CSMD2: variants seen among roughly 807,000 people sequenced by gnomAD.
CSMD2 encodes CUB and sushi domain-containing protein 2.
In CSMD2, 130 loss-of-function variants were observed where a neutral mutation model predicts 398.5. That is an observed-to-expected ratio of 0.33 (90% CI 0.28 to 0.38). The LOEUF is 0.38. Ranked by LOEUF, CSMD2 falls within the 10% of genes least tolerant of loss-of-function variation. The pLI, the probability that CSMD2 is intolerant of heterozygous loss-of-function variation, is 1.00. For missense variants in CSMD2, 3,829 were observed against 4,764.9 expected, an observed-to-expected ratio of 0.80 and a Z score of 5.78; for synonymous variants, 1,828 against 1,908.5, an observed-to-expected ratio of 0.96 and a Z score of 1.10.
chr1:33,870,520 T>G (rs1270169011), intron 5 of CSMD2: 2 of 152,230 alleles, frequency 1.3e-5, no homozygotes, highest in Non-Finnish European at 2.9e-5. Flanking sequence ...CAGCTCTCCC[T>G]ACCCAGTGCT....
intron 2 of CSMD2, among the ~76,000 whole-genome samples, chr1:34,060,107 A>C (rs772500742): frequency 2.0e-5 from 3 of 152,158 alleles, no homozygotes; most frequent in African/African-American, 4.8e-5. Context: ...GAGGGCCAGG[A>C]ATGGGAAAGG....
At chr1:33,637,611 AT>A (rs1206178146) in intron 29 of CSMD2, among the ~76,000 whole-genome samples, 1 of 152,144 alleles carries the variant, frequency 6.6e-6, no homozygotes, top group Admixed American at 6.5e-5. Flanking sequence ...AAGATAACTG[AT>A]GGTCAAGAGG....
At chr1:34,111,341 A>T (rs1349376126) in intron 1 of CSMD2, among the ~76,000 whole-genome samples, 1 of 152,240 alleles carries the variant, frequency 6.6e-6, no homozygotes, top group Non-Finnish European at 1.5e-5. Context: ...CTGGGAAGGA[A>T]GGATCCTGAA....
intron 26 of CSMD2, among the ~76,000 whole-genome samples, chr1:33,661,652 T>C (rs1644137414): frequency 6.6e-6 from 1 of 152,230 alleles, no homozygotes; most frequent in African/African-American, 2.4e-5. Flanking sequence ...ACTAGAAGCA[T>C]GCATGAGTGT....
chr1:33,970,492 C>T (rs1645721892), intron 3 of CSMD2, among the ~76,000 whole-genome samples: 1 of 152,200 alleles, frequency 6.6e-6, no homozygotes, highest in Admixed American at 6.5e-5. Context: ...GAGCTCAGGC[C>T]TGGGCACCCA....
intron 13 of CSMD2, among the ~76,000 whole-genome samples, chr1:33,760,894 T>A (rs988615604): frequency 1.3e-5 from 2 of 152,008 alleles, no homozygotes; most frequent in African/African-American, 4.8e-5. Flanking sequence ...ACTTCTCCCT[T>A]ACCACACCCT....
In CSMD2 at chr1:33,533,111, G is replaced by A. The variant is rs140945113; in HGVS notation, c.10110C>T (p.Gly3370=). ...SCQEGFSLKG[G]SEHRTCKADG... is the part of the protein sequence containing the mutation. ...CCGCCTTGCAGGTGCGGTGCTCGGAGCCACCCTTGAGGGAGAAGCCCTCCT... is the reference window on the plus strand; with the variant it reads ...CCGCCTTGCAGGTGCGGTGCTCGGAACCACCCTTGAGGGAGAAGCCCTCCT... Residue 3370 remains glycine, a synonymous_variant, in exon 64 of 71, where the codon GGC becomes GGT. Coordinates refer to ENST00000373381, the MANE Select transcript of CSMD2 (RefSeq NM_001281956.2). The surrounding 1 kb of genome is among the most constrained non-coding windows in gnomAD (Gnocchi z 4.2). 1.5e-5 allele frequency: 24 copies of A among 1,614,000 alleles called. No homozygotes were observed. The African/African-American group carries it at 2.8e-4, about 19-fold the overall frequency.
chr1:34,044,892 A>G (rs1652301371), intron 2 of CSMD2, among the ~76,000 whole-genome samples: 1 of 152,224 alleles, frequency 6.6e-6, no homozygotes, highest in Admixed American at 6.5e-5. Context: ...CTTGGCAAAT[A>G]GTGTTTTGAT....
intron 37 of CSMD2, among the ~76,000 whole-genome samples, chr1:33,621,503 G>A (rs578221231): frequency 4.3e-4 from 66 of 152,144 alleles, no homozygotes; most frequent in Middle Eastern, 3.2e-3. Context: ...ACAGTGCCTG[G>A]CATGTTGTAA....
At chr1:33,734,039 CAAG>C (rs922909310) in intron 15 of CSMD2, among the ~76,000 whole-genome samples, 3 of 152,156 alleles carry the variant, frequency 2.0e-5, no homozygotes, top group Non-Finnish European at 4.4e-5. Context: ...GCAAGAGTGG[CAAG>C]AAGATTAAAT....
chr1:33,549,712 G>C (rs1339313370), intron 56 of CSMD2, among the ~76,000 whole-genome samples: 3 of 152,196 alleles, frequency 2.0e-5, no homozygotes, highest in African/African-American at 7.2e-5. Flanking sequence ...ATAAGAAAGG[G>C]AAGGAGGCTG....
chr1:33,932,841 GAT>G (rs1644356405), intron 4 of CSMD2, among the ~76,000 whole-genome samples: 1 of 152,206 alleles, frequency 6.6e-6, no homozygotes, highest in Non-Finnish European at 1.5e-5. Context: ...ACTGCAAGGA[GAT>G]GACAAAACCA....
At chr1:33,745,171 CAGT>C (rs1406093865) in intron 13 of CSMD2, among the ~76,000 whole-genome samples, 2 of 152,150 alleles carry the variant, frequency 1.3e-5, no homozygotes, top group East Asian at 1.9e-4. Context: ...TTAAATAAAG[CAGT>C]AGATCATAAA....
chr1:33,789,563 TCAGA>T (rs2124853309), intron 11 of CSMD2, among the ~76,000 whole-genome samples: 1 of 152,296 alleles, frequency 6.6e-6, no homozygotes, highest in Non-Finnish European at 1.5e-5. Flanking sequence ...TTTGTTGAGA[TCAGA>T]CAAATTACCA....
At chr1:34,135,210 C>A (rs1404322258) in intron 1 of CSMD2, among the ~76,000 whole-genome samples, 3 of 145,720 alleles carry the variant, frequency 2.1e-5, no homozygotes, top group Non-Finnish European at 4.5e-5. Flanking sequence ...GGCAACAAAT[C>A]CATTCTATAG....
chr1:33,837,328 G>A (rs1431841004), intron 6 of CSMD2, among the ~76,000 whole-genome samples: 1 of 152,120 alleles, frequency 6.6e-6, no homozygotes, highest in African/African-American at 2.4e-5. Context: ...ACAAGAAGAT[G>A]AACAACATAG....
chr1:33,556,836 A>T (rs1470520799), intron 55 of CSMD2, among the ~76,000 whole-genome samples: 1 of 152,104 alleles, frequency 6.6e-6, no homozygotes, highest in Middle Eastern at 3.2e-3. Flanking sequence ...AACTTTGCTC[A>T]TTCTTCTCTC....
Position 33,653,973 on chromosome 1 carries a change from T to C in CSMD2, c.4448-1512A>G, listed in dbSNP as rs538750892. 2.6e-5 allele frequency among the ~76,000 whole-genome samples: 4 copies of C among 152,230 alleles called. 1 individual carries two copies. The highest frequency in any genetic ancestry group is 9.6e-5 in the African/African-American group (4 of 41,538). On this transcript the variant is annotated intron_variant, in intron 27 of 70. Coordinates refer to ENST00000373381, the MANE Select transcript of CSMD2 (RefSeq NM_001281956.2). ...GCTGAGCACTGGTACTTTAGCTGTG[T>C]CATGGAGCCACCTCTGGCTGTGGCT... is the stretch of plus-strand genomic sequence containing the variant.
chr1:34,026,160 TA>T (rs1258701311), intron 3 of CSMD2, among the ~76,000 whole-genome samples: 59 of 152,352 alleles, frequency 3.9e-4, no homozygotes, highest in African/African-American at 1.4e-3. Context: ...ATCCTGATTT[TA>T]TAGGCACAGA....
Sources: allele counts gnomAD v4.1 joint callset (sites outside exome capture counted in the v4.1 genomes callset), GRCh38; gene constraint gnomAD v4.1.1; non-coding constraint Gnocchi (gnomAD v3.1); transcripts MANE v1.5; gene names NCBI Gene and HGNC (gene_info 2026-07-23, HGNC 2026-07-21).